KCNK2: variants seen among roughly 807,000 people sequenced by gnomAD.
The protein encoded by KCNK2 is potassium two pore domain channel subfamily K member 2.
In KCNK2, 21 loss-of-function variants were observed where a neutral mutation model predicts 40.5. The observed-to-expected ratio is 0.52, with a 90% CI of 0.37 to 0.75. The LOEUF is 0.75. Ranked by LOEUF, KCNK2 falls within the 30% of genes least tolerant of loss-of-function variation. The pLI is 0.00. For synonymous variants in KCNK2, 191 were observed against 202.2 expected (o/e 0.94, Z 0.47); for missense variants, 399 against 531.6 (o/e 0.75, Z 2.45).
At chr1:215,121,571 G>C (rs1344279491) in intron 2 of KCNK2, among the ~76,000 whole-genome samples, 1 of 152,084 alleles carries the variant, frequency 6.6e-6, no homozygotes, top group Non-Finnish European at 1.5e-5. Context: ...CGCCACACTT[G>C]GCCAAAGATA....
At chr1:215,056,416 T>G (rs934078483) in intron 1 of KCNK2, among the ~76,000 whole-genome samples, 4 of 147,242 alleles carry the variant, frequency 2.7e-5, no homozygotes, top group Admixed American at 2.1e-4. Context: ...AGTACCTTGT[T>G]GTATACATAA....
rs199497700 is a variant in KCNK2 at position 215,006,997 on chromosome 1, CTATATATATATATATATATATATATA to C, written c.34+1058_34+1083del. On this transcript the variant is annotated intron_variant, in intron 1 of 6. Coordinates refer to the KCNK2 transcript ENST00000391895. ...ATCACTAAGTTTGGGGACCAATTCA[CTATATATATATATATATATATATATA>C]TATATATATATATATGTGTGTGTGT... Among the ~76,000 whole-genome samples, 43 of 81,694 alleles carry C rather than the reference CTATATATATATATATATATATATATA, an allele frequency of 5.3e-4. 3 individuals carry two copies. The South Asian group carries it at 6.1e-3, about 12-fold the overall frequency. The allele number at this position is 81,694 out of a possible 152,430, so 53.6% of individuals were successfully genotyped here.
Position 215,189,605 on chromosome 1 carries a change from T to C in KCNK2, c.824-5348T>C, listed in dbSNP as rs187171465. ...TAAAATCCCCAAATATAAGTTCAAA[T>C]GACACCTTTTTTGGCATTCTGGTTT... On this transcript the variant is annotated intron_variant, in intron 5 of 6. Coordinates refer to ENST00000444842, the MANE Select transcript of KCNK2 (RefSeq NM_001017425.3). Among the ~76,000 whole-genome samples the C allele has an allele frequency of 2.6e-5, 4 of 152,290 alleles. No homozygotes were observed. In the East Asian group the frequency reaches 7.7e-4, roughly 29 times the overall value.
At chr1:215,174,858 A>G (rs1215333260) in intron 5 of KCNK2, among the ~76,000 whole-genome samples, 1 of 152,120 alleles carries the variant, frequency 6.6e-6, no homozygotes, top group African/African-American at 2.4e-5. Flanking sequence ...CAGCTTAAGG[A>G]AATTTTGGGC....
chr1:215,231,849 C>CTTACGTGGCA (rs1666680236), intron 6 of KCNK2, among the ~76,000 whole-genome samples: 1 of 152,200 alleles, frequency 6.6e-6, no homozygotes, highest in Non-Finnish European at 1.5e-5. Flanking sequence ...AAAGGGACTT[C>CTTACGTGGCA]TTACGTGGCA....
At chr1:215,221,683 G>A (rs1666184532) in intron 6 of KCNK2, among the ~76,000 whole-genome samples, 2 of 152,104 alleles carry the variant, frequency 1.3e-5, no homozygotes, top group African/African-American at 2.4e-5. Flanking sequence ...CTCAGCGATT[G>A]CAGAGGCAGA....
intron 3 of KCNK2, among the ~76,000 whole-genome samples, chr1:215,167,149 A>C (rs1029392578): frequency 1.3e-5 from 2 of 152,144 alleles, no homozygotes; most frequent in African/African-American, 4.8e-5. Context: ...CCCTCACTCC[A>C]TGTTCTTTTT....
chr1:215,103,748 A>C (rs778308428), intron 2 of KCNK2, among the ~76,000 whole-genome samples: 4 of 152,114 alleles, frequency 2.6e-5, no homozygotes, highest in Non-Finnish European at 5.9e-5. Flanking sequence ...TATGCAAATA[A>C]GTATTTTTTG....
At chr1:215,226,284 TAAC>T (rs1355008974) in intron 6 of KCNK2, among the ~76,000 whole-genome samples, 12 of 152,176 alleles carry the variant, frequency 7.9e-5, no homozygotes, top group Non-Finnish European at 1.6e-4. Context: ...GTGAAATTGT[TAAC>T]ATATCTTTTT....
At chr1:215,111,844 C>T (rs1356102184) in intron 2 of KCNK2, among the ~76,000 whole-genome samples, 4 of 151,250 alleles carry the variant, frequency 2.6e-5, no homozygotes, top group Non-Finnish European at 5.9e-5. Context: ...AATAAAGAGT[C>T]ACCTCTGTAA....
intron 6 of KCNK2, among the ~76,000 whole-genome samples, chr1:215,207,998 T>A (rs543093603): frequency 6.6e-6 from 1 of 152,286 alleles, no homozygotes; most frequent in South Asian, 2.1e-4. Flanking sequence ...AAATAACATT[T>A]GACCCAGCAA....
intron 6 of KCNK2, among the ~76,000 whole-genome samples, chr1:215,217,239 C>T (rs1274810137): frequency 1.3e-5 from 2 of 152,036 alleles, no homozygotes; most frequent in African/African-American, 2.4e-5. Context: ...CCACCCACAC[C>T]CATGCAATTG....
intron 3 of KCNK2, among the ~76,000 whole-genome samples, chr1:215,154,333 C>T (rs773065049): frequency 6.6e-6 from 1 of 152,046 alleles, no homozygotes; most frequent in Non-Finnish European, 1.5e-5. Flanking sequence ...ATTTGCATTT[C>T]TCTAATGGTC....
chr1:215,229,828 C>G (rs34938215), intron 6 of KCNK2, among the ~76,000 whole-genome samples: 2 of 151,580 alleles, frequency 1.3e-5, no homozygotes, highest in East Asian at 3.9e-4. Flanking sequence ...CTTAATGTAA[C>G]CCGCTATAGG....
At chr1:215,081,721 T>C (rs1224686246), upstream of KCNK2, 1 of 152,114 alleles carries the variant, frequency 6.6e-6, no homozygotes, top group East Asian at 1.9e-4. Flanking sequence ...GTGGAGGTCA[T>C]CAGGGGATTC....
chr1:215,226,110 C>T (rs1240068701), intron 6 of KCNK2, among the ~76,000 whole-genome samples: 2 of 152,088 alleles, frequency 1.3e-5, no homozygotes, highest in African/African-American at 2.4e-5. Context: ...GCTTTCTTGA[C>T]ATTATTTGAG....
At chr1:215,162,344 C>A (rs1377587769) in intron 3 of KCNK2, among the ~76,000 whole-genome samples, 9 of 152,026 alleles carry the variant, frequency 5.9e-5, no homozygotes, top group Admixed American at 5.9e-4. Context: ...GGATAGATTG[C>A]CAAAATTTTC....
chr1:215,030,375 T>A (rs184065906), intron 1 of KCNK2, among the ~76,000 whole-genome samples: 4 of 152,304 alleles, frequency 2.6e-5, no homozygotes, highest in Admixed American at 2.6e-4. Flanking sequence ...CTTGATAGTC[T>A]CTTTTGCCAA....
intron 3 of KCNK2, among the ~76,000 whole-genome samples, chr1:215,155,170 A>G (rs1448875035): frequency 6.6e-6 from 1 of 152,146 alleles, no homozygotes; most frequent in Non-Finnish European, 1.5e-5. Context: ...TACTTTCCCC[A>G]TCACTATTTA....
Sources: gnomAD v4.1 joint callset for allele counts (sites outside exome capture counted in the v4.1 genomes callset) on GRCh38, gnomAD v4.1.1 for gene constraint, MANE v1.5 for transcripts, NCBI Gene and HGNC (gene_info 2026-07-23, HGNC 2026-07-21) for gene names.